PARP11: variants seen among roughly 807,000 people sequenced by gnomAD.
PARP11 encodes the protein poly(ADP-ribose) polymerase family member 11, also known as protein mono-ADP-ribosyltransferase PARP11.
A neutral mutation model predicts 42.9 loss-of-function variants in PARP11; 31 were observed. The observed-to-expected ratio is 0.72, with a 90% CI of 0.54 to 0.98. The LOEUF (loss-of-function observed/expected upper bound fraction) is 0.98. Ranked by LOEUF, PARP11 falls within the 50% of genes least tolerant of loss-of-function variation. The pLI is 0.00. For missense variants in PARP11, 365 were observed against 413.1 expected (o/e 0.88, Z 1.01); for synonymous variants, 137 against 127.3 (o/e 1.08, Z -0.51).
At chr12:3,852,319 T>C (rs1028439932) in intron 1 of PARP11, among the ~76,000 whole-genome samples, 1 of 152,134 alleles carries the variant, frequency 6.6e-6, no homozygotes, top group Non-Finnish European at 1.5e-5. Context: ...TTCAGAAGGT[T>C]GGTAATAACA....
At chr12:3,866,930 T>C (rs1348179033) in intron 1 of PARP11, among the ~76,000 whole-genome samples, 1 of 152,228 alleles carries the variant, frequency 6.6e-6, no homozygotes, top group Non-Finnish European at 1.5e-5. Flanking sequence ...CTTTAGCATA[T>C]ATTTTGTTTT....
At chr12:3,857,723 A>G (rs939428303) in intron 1 of PARP11, among the ~76,000 whole-genome samples, 1 of 152,002 alleles carries the variant, frequency 6.6e-6, no homozygotes, top group South Asian at 2.1e-4. Flanking sequence ...CTAGCGGCTC[A>G]TGCTTACTGC....
At chr12:3,850,121 C>A (rs911624035) in intron 1 of PARP11, among the ~76,000 whole-genome samples, 1 of 151,918 alleles carries the variant, frequency 6.6e-6, no homozygotes, top group Non-Finnish European at 1.5e-5. Context: ...AACTCAAATC[C>A]ACAAGAAGAA....
rs1360735017 is a variant in PARP11 at position 3,816,437 on chromosome 12, T to C, written c.549-2249A>G. Among the ~76,000 whole-genome samples the C allele has an allele frequency of 4.6e-5, 7 of 152,238 alleles. 1 individual carries two copies. Among genetic ancestry groups the C allele is most frequent in the Admixed American group, 4.6e-4 (7 of 15,288 alleles). ...TCTTTGCGTAAGACTTTTTGTCTAC[T>C]AGTTTTTCTCTTTGAAATACCCACC... is the stretch of plus-strand genomic sequence containing the variant. On this transcript the variant is annotated intron_variant, in intron 6 of 7. Coordinates refer to ENST00000228820, the MANE Select transcript of PARP11 (RefSeq NM_020367.6).
rs758287056 is a variant in PARP11, at chr12:3,828,969, T to C, written c.209A>G (p.Asn70Ser). Residue 70 changes from asparagine (N) to serine (S), a missense_variant, in exon 3 of 8, where the codon AAC becomes AGC. Physicochemically the swap from Asn to Ser is conservative, Grantham distance 46. Transcript: ENST00000228820. ...SEDIEKSFKT[N>S]PCGSISFTTS... ...AGTAAAAGAAATGGAGCCACAAGGG[T>C]TTGTTTTGAAGCTTTTTTCGATATC... 3 of 1,613,786 alleles carry C rather than the reference T, an allele frequency of 1.9e-6. No homozygotes were observed. In the African/African-American group the frequency reaches 4.0e-5, roughly 22 times the overall value.
chr12:3,842,644 C>G, intron 1 of PARP11: 1 of 664,572 alleles, frequency 1.5e-6, no homozygotes, highest in East Asian at 2.6e-5. Context: ...CTTACCTTCC[C>G]TCCCATACTC....
intron 4 of PARP11, among the ~76,000 whole-genome samples, chr12:3,822,530 C>T (rs1224019380): frequency 6.9e-6 from 1 of 145,928 alleles, no homozygotes; most frequent in Non-Finnish European, 1.5e-5. Flanking sequence ...ACCCGGGAGG[C>T]GGAGCTTGCA....
intron 1 of PARP11, among the ~76,000 whole-genome samples, chr12:3,830,673 C>T (rs1947621253): frequency 6.6e-6 from 1 of 152,202 alleles, no homozygotes; most frequent in South Asian, 2.1e-4. Context: ...ATATTACTTA[C>T]TACGTGCCAG....
chr12:3,835,178 C>T (rs966403240), intron 1 of PARP11, among the ~76,000 whole-genome samples: 1 of 152,164 alleles, frequency 6.6e-6, no homozygotes, highest in African/African-American at 2.4e-5. Flanking sequence ...GCCACACACA[C>T]ATTTAACACT....
At chr12:3,827,446 T>A (rs1947550093) in intron 3 of PARP11, among the ~76,000 whole-genome samples, 1 of 152,222 alleles carries the variant, frequency 6.6e-6, no homozygotes, top group African/African-American at 2.4e-5. Flanking sequence ...GTTCATCCTC[T>A]ACATGAGGTC....
In PARP11 at chr12:3,826,159, T is replaced by C; in HGVS notation, c.343A>G (p.Ser115Gly). The C allele has an allele frequency of 1.3e-6, 2 of 1,580,614 alleles. No individual in the cohort carries two copies. Among genetic ancestry groups the C allele is most frequent in the South Asian group, 1.2e-5 (1 of 86,110 alleles). Reference protein sequence around the residue: ...KRAPFSISAFSYICENEAIPM... With the variant: ...KRAPFSISAFGYICENEAIPM... ...CCACCCCTATTCTCTTTACCATACCTGAAAGCACTGATAGAAAAGGGGGCT... is the reference window on the plus strand; with the variant it reads ...CCACCCCTATTCTCTTTACCATACCCGAAAGCACTGATAGAAAAGGGGGCT... Residue 115 changes from serine to glycine, a missense_variant and splice_region_variant, in exon 4 of 8, where the codon AGT (serine) becomes GGT (glycine). Ser to Gly is a moderately conservative substitution (Grantham distance 56). Coordinates refer to ENST00000228820, the MANE Select transcript of PARP11 (RefSeq NM_020367.6).
chr12:3,813,928 C>A, intron 7 of PARP11, 109 bp downstream of exon 7: 1 of 702,614 alleles, frequency 1.4e-6, no homozygotes, highest in South Asian at 3.7e-5. Flanking sequence ...TTTGTTTTAT[C>A]ATTCTCTATA....
At chr12:3,867,988 C>T (rs572685304) in intron 1 of PARP11, among the ~76,000 whole-genome samples, 14 of 152,264 alleles carry the variant, frequency 9.2e-5, no homozygotes, top group South Asian at 6.2e-4. Context: ...AGTTGCAATT[C>T]CTGACAATCT....
intron 1 of PARP11, among the ~76,000 whole-genome samples, chr12:3,838,793 G>A (rs1010947928): frequency 9.2e-5 from 14 of 152,228 alleles, no homozygotes; most frequent in African/African-American, 3.4e-4. Flanking sequence ...AGCGTGGTGG[G>A]GAAACGAAAG....
chr12:3,850,750 T>C (rs1296583816), intron 1 of PARP11, among the ~76,000 whole-genome samples: 1 of 151,828 alleles, frequency 6.6e-6, no homozygotes, highest in Non-Finnish European at 1.5e-5. Flanking sequence ...AAGGAAAGCA[T>C]TTATATTTAT....
At position 3,820,383 on chromosome 12, in the gene PARP11, T is replaced by C. The variant is rs555846341; in HGVS notation, c.548+1490A>G. On this transcript the variant is annotated intron_variant, in intron 6 of 7. Coordinates refer to ENST00000228820, the MANE Select transcript of PARP11 (RefSeq NM_020367.6). Reference sequence around the variant, plus strand: ...ATGTCAAAATGACACGCTGCCCTTATAATGAGACTCAGTATTTTGTACTGT... The same window carrying C: ...ATGTCAAAATGACACGCTGCCCTTACAATGAGACTCAGTATTTTGTACTGT... Among the ~76,000 whole-genome samples the C allele has an allele frequency of 2.0e-5, 3 of 152,364 alleles. No homozygotes were observed. The East Asian group carries it at 5.8e-4, about 29-fold the overall frequency.
chr12:3,852,878 A>C (rs1354487317), intron 1 of PARP11, among the ~76,000 whole-genome samples: 1 of 152,226 alleles, frequency 6.6e-6, no homozygotes, highest in Non-Finnish European at 1.5e-5. Context: ...AAGGGCAGCC[A>C]GAGAGAAAGG....
At chr12:3,838,888 C>T (rs1339715755) in intron 1 of PARP11, among the ~76,000 whole-genome samples, 4 of 152,192 alleles carry the variant, frequency 2.6e-5, no homozygotes, top group Admixed American at 6.5e-5. Context: ...TGAGCCGGCC[C>T]GGCGTGCGCG....
chr12:3,853,488 G>C (rs889504613), intron 1 of PARP11, among the ~76,000 whole-genome samples: 1 of 152,148 alleles, frequency 6.6e-6, no homozygotes, highest in African/African-American at 2.4e-5. Flanking sequence ...TGCAATCCTA[G>C]TCTCTGATAA....
Sources: allele counts gnomAD v4.1 joint callset (sites outside exome capture counted in the v4.1 genomes callset), GRCh38; gene constraint gnomAD v4.1.1; transcripts MANE v1.5; gene names NCBI Gene and HGNC (gene_info 2026-07-23, HGNC 2026-07-21).